The following DNAH14 variants were observed in gnomAD, a reference collection of about 807,000 sequenced individuals.
DNAH14 encodes the protein axonemal beta dynein heavy chain 14.
Under a neutral mutation model 520.9 loss-of-function variants are expected in DNAH14, and 478 were observed. The ratio of observed to expected loss-of-function variants is 0.92; its 90% CI spans 0.85 to 0.99. The LOEUF (loss-of-function observed/expected upper bound fraction) is 0.99, where lower values mean the gene tolerates loss of function less well. Ranked by LOEUF, DNAH14 falls within the 50% of genes least tolerant of loss-of-function variation. The probability of loss-of-function intolerance (pLI) is 0.00; values close to 1 mark genes in which losing one functional copy is unlikely to be tolerated. For missense variants in DNAH14, 4,831 were observed against 5,234.5 expected (o/e 0.92, Z 2.38); for synonymous variants, 1,581 against 1,757.2 (o/e 0.90, Z 2.51).
intron 78 of DNAH14, among the ~76,000 whole-genome samples, 173 bp from the exon 79 acceptor site, chr1:225,377,064 C>T (rs2095710259): frequency 6.6e-6 from 1 of 151,724 alleles, no homozygotes; most frequent in Non-Finnish European, 1.5e-5. Context: ...TTGCTTTTGA[C>T]AGTGTCTATA....
chr1:225,237,889 C>T (rs1283311218), intron 42 of DNAH14, among the ~76,000 whole-genome samples: 1 of 152,194 alleles, frequency 6.6e-6, no homozygotes, highest in African/African-American at 2.4e-5. Context: ...AGATTCTCTC[C>T]TCCACTTGGT....
intron 8 of DNAH14, among the ~76,000 whole-genome samples, chr1:224,974,554 AT>A (rs2061688557): frequency 6.6e-6 from 1 of 152,218 alleles, no homozygotes; most frequent in South Asian, 2.1e-4. Flanking sequence ...GTTATAAGAA[AT>A]AATAGAGATA....
At chr1:224,973,562 A>C (rs1194008741) in intron 7 of DNAH14, among the ~76,000 whole-genome samples, 1 of 152,228 alleles carries the variant, frequency 6.6e-6, no homozygotes, top group Non-Finnish European at 1.5e-5. Context: ...ATTGATGATG[A>C]GTAATAACCA....
intron 37 of DNAH14, among the ~76,000 whole-genome samples, chr1:225,187,035 T>C (rs2084849958): frequency 6.6e-6 from 1 of 151,788 alleles, no homozygotes; most frequent in Admixed American, 6.6e-5. Flanking sequence ...ATCTTTCTTT[T>C]TCCTCTTCAT....
At chr1:225,175,443 T>C (rs1202544535) in intron 36 of DNAH14, among the ~76,000 whole-genome samples, 1 of 152,090 alleles carries the variant, frequency 6.6e-6, no homozygotes, top group Non-Finnish European at 1.5e-5. Flanking sequence ...TTGTTCATAG[T>C]AGTCTTTTAT....
At chr1:225,337,556 G>A in intron 67 of DNAH14, 60 bp downstream of exon 67, 1 of 1,363,652 alleles carries the variant, frequency 7.3e-7, no homozygotes, top group Non-Finnish European at 1.0e-6. Flanking sequence ...TATGCACTGA[G>A]CATAAAGGCT....
chr1:225,092,106 T>A (rs1477349758), intron 21 of DNAH14, among the ~76,000 whole-genome samples: 1 of 151,984 alleles, frequency 6.6e-6, no homozygotes, highest in African/African-American at 2.4e-5. Context: ...GAGACTTAGA[T>A]AATGACACAA....
intron 8 of DNAH14, among the ~76,000 whole-genome samples, chr1:224,999,695 T>C (rs1240969902): frequency 1.3e-5 from 2 of 152,152 alleles, no homozygotes; most frequent in Non-Finnish European, 2.9e-5. Flanking sequence ...GAATTCCATT[T>C]TGATTTATCT....
chr1:225,308,612 T>C (rs770688564), intron 60 of DNAH14, among the ~76,000 whole-genome samples: 68 of 152,148 alleles, frequency 4.5e-4, no homozygotes, highest in Non-Finnish European at 1.6e-4. Context: ...AGTCCAAACA[T>C]GCATGGTCCC....
At chr1:225,149,126 T>C (rs1391780377) in intron 31 of DNAH14, among the ~76,000 whole-genome samples, 3 of 152,206 alleles carry the variant, frequency 2.0e-5, no homozygotes, top group Admixed American at 6.5e-5. Context: ...AGTTGATTTT[T>C]GTATATGGTG....
At chr1:225,319,851 C>T (rs1389714153) in intron 61 of DNAH14, among the ~76,000 whole-genome samples, 1 of 151,964 alleles carries the variant, frequency 6.6e-6, no homozygotes, top group African/African-American at 2.4e-5. Context: ...GTGTTCCAAG[C>T]AGAGGAAATG....
intron 1 of DNAH14, among the ~76,000 whole-genome samples, chr1:224,937,108 A>G (rs1333079104): frequency 1.3e-5 from 2 of 152,020 alleles, no homozygotes; most frequent in African/African-American, 4.8e-5. Context: ...TACAGCCGAC[A>G]TCAGGGAAAA....
chr1:225,356,319 T>C (rs2095428329), intron 73 of DNAH14, among the ~76,000 whole-genome samples: 1 of 152,210 alleles, frequency 6.6e-6, no homozygotes, highest in East Asian at 1.9e-4. Flanking sequence ...AGCTGAGTAG[T>C]GTCTGTCCCT....
intron 68 of DNAH14, among the ~76,000 whole-genome samples, chr1:225,339,841 G>T (rs1199936721): frequency 6.6e-6 from 1 of 152,140 alleles, no homozygotes; most frequent in South Asian, 2.1e-4. Context: ...TATGACTGCT[G>T]CTGACACCAC....
intron 38 of DNAH14, among the ~76,000 whole-genome samples, chr1:225,202,063 A>G (rs2086912549): frequency 6.6e-6 from 1 of 151,948 alleles, no homozygotes; most frequent in Non-Finnish European, 1.5e-5. Context: ...TTTAGTAGAG[A>G]TGGGGTTTCA....
At chr1:225,059,619 C>T (rs1269034448) in intron 17 of DNAH14, among the ~76,000 whole-genome samples, 3 of 152,206 alleles carry the variant, frequency 2.0e-5, no homozygotes, top group Non-Finnish European at 2.9e-5. Context: ...TTCTTCCTAG[C>T]CTCGATGGTC....
At chr1:225,158,318 T>C (rs1357576769) in intron 34 of DNAH14, among the ~76,000 whole-genome samples, 3 of 152,184 alleles carry the variant, frequency 2.0e-5, no homozygotes, top group African/African-American at 7.2e-5. Flanking sequence ...ACTGTTGTTT[T>C]ATCCAATCAG....
chr1:225,260,615 TC>T (rs201919917), intron 46 of DNAH14, among the ~76,000 whole-genome samples: 3 of 147,880 alleles, frequency 2.0e-5, no homozygotes, highest in East Asian at 2.0e-4. Context: ...CTTTTTTTTT[TC>T]CCCCCCTCAA....
At chr1:225,299,138 C>A (rs2094081226) in intron 55 of DNAH14, among the ~76,000 whole-genome samples, 2 of 152,220 alleles carry the variant, frequency 1.3e-5, no homozygotes, top group African/African-American at 4.8e-5. Context: ...TGGCCAGTCG[C>A]CAGGCCCAGA....
Sources: allele counts gnomAD v4.1 joint callset (sites outside exome capture counted in the v4.1 genomes callset), GRCh38; gene constraint gnomAD v4.1.1; transcripts MANE v1.5; gene names NCBI Gene and HGNC (gene_info 2026-07-23, HGNC 2026-07-21).